Variants in GALNTL6 observed in about 807,000 individuals in gnomAD.
GALNTL6 encodes the protein polypeptide N-acetylgalactosaminyltransferase-like 6.
A neutral mutation model predicts 73.7 loss-of-function variants in GALNTL6; 46 were observed. The ratio of observed to expected loss-of-function variants is 0.62; its 90% CI spans 0.49 to 0.80. The LOEUF (loss-of-function observed/expected upper bound fraction) is 0.80. Among genes scored for constraint, GALNTL6 ranks in the 30% least tolerant of loss-of-function variants. The pLI, the probability that GALNTL6 is intolerant of heterozygous loss-of-function variation, is 0.00. For missense variants in GALNTL6, 604 were observed against 755.0 expected (o/e 0.80, Z 2.34); for synonymous variants, 259 against 263.7 (o/e 0.98, Z 0.17).
At chr4:172,023,197 C>T (rs1327950149) in intron 2 of GALNTL6, among the ~76,000 whole-genome samples, 5 of 151,780 alleles carry the variant, frequency 3.3e-5, no homozygotes, top group Non-Finnish European at 5.9e-5. Flanking sequence ...TAAATTTGGT[C>T]AACTGTCCTC....
At chr4:172,739,753 A>G in intron 5 of GALNTL6, among the ~76,000 whole-genome samples, 1 of 152,130 alleles carries the variant, frequency 6.6e-6, no homozygotes, top group Non-Finnish European at 1.5e-5. Context: ...ATTACATACT[A>G]AGAATTTTCT....
Position 172,710,377 on chromosome 4 carries a change from C to G in GALNTL6, c.554-98984C>G, listed in dbSNP as rs921243223. 2.0e-5 allele frequency among the ~76,000 whole-genome samples: 3 copies of G among 152,108 alleles called. No homozygotes were observed. In the East Asian group the frequency reaches 5.8e-4, roughly 29 times the overall value. ...TTCTATTTGTAATAATAAAAAGTTGCAATCATGAATGTACAAGAAAAGAGG... is the reference window on the plus strand; with the variant it reads ...TTCTATTTGTAATAATAAAAAGTTGGAATCATGAATGTACAAGAAAAGAGG... On this transcript the variant is annotated intron_variant, in intron 5 of 12. Transcript: ENST00000506823.
intron 5 of GALNTL6, among the ~76,000 whole-genome samples, chr4:172,572,579 C>T (rs1736802091): frequency 6.6e-6 from 1 of 152,160 alleles, no homozygotes; most frequent in East Asian, 1.9e-4. Context: ...AAACCTTTCA[C>T]ATGTGACTCT....
intron 2 of GALNTL6, among the ~76,000 whole-genome samples, chr4:172,188,487 A>C (rs1305742032): frequency 2.6e-5 from 4 of 152,192 alleles, no homozygotes; most frequent in African/African-American, 9.7e-5. Context: ...CAAAAGTGAC[A>C]CGGTGTCTGC....
At chr4:172,391,196 T>C (rs923889683) in intron 5 of GALNTL6, among the ~76,000 whole-genome samples, 1 of 152,210 alleles carries the variant, frequency 6.6e-6, no homozygotes, top group Non-Finnish European at 1.5e-5. Context: ...CTCACAGTTC[T>C]GCTCTCTGGT....
At chr4:172,705,112 C>G (rs1356574893) in intron 5 of GALNTL6, among the ~76,000 whole-genome samples, 1 of 151,518 alleles carries the variant, frequency 6.6e-6, no homozygotes, top group African/African-American at 2.4e-5. Flanking sequence ...TTAACTGGGT[C>G]TTGTACTTTT....
chr4:172,118,992 A>G (rs1733071337), intron 2 of GALNTL6, among the ~76,000 whole-genome samples: 1 of 151,656 alleles, frequency 6.6e-6, no homozygotes, highest in South Asian at 2.1e-4. Flanking sequence ...CAACTATCTC[A>G]TCAAATCTCG....
At chr4:172,826,642 G>T (rs146038235) in intron 7 of GALNTL6, among the ~76,000 whole-genome samples, 1 of 152,294 alleles carries the variant, frequency 6.6e-6, no homozygotes, top group East Asian at 1.9e-4. Flanking sequence ...CTGTGGGGAT[G>T]GGGGGAACGG....
intron 7 of GALNTL6, among the ~76,000 whole-genome samples, chr4:172,836,593 T>G (rs1742919796): frequency 6.6e-6 from 1 of 152,216 alleles, no homozygotes; most frequent in Admixed American, 6.5e-5. Context: ...ATGTAACTTC[T>G]ACATAAAATA....
intron 10 of GALNTL6, among the ~76,000 whole-genome samples, chr4:172,957,834 A>G (rs1440129440): frequency 6.6e-6 from 1 of 152,186 alleles, no homozygotes; most frequent in African/African-American, 2.4e-5. Flanking sequence ...AGTAGCCTCA[A>G]TGATAGATGT....
intron 2 of GALNTL6, among the ~76,000 whole-genome samples, chr4:172,005,005 T>C (rs1018439466): frequency 6.6e-6 from 1 of 152,174 alleles, no homozygotes. Flanking sequence ...AAGTTTTTCA[T>C]AAAATACTGT....
intron 5 of GALNTL6, among the ~76,000 whole-genome samples, chr4:172,450,471 C>A (rs1732170833): frequency 6.6e-6 from 1 of 152,206 alleles, no homozygotes; most frequent in African/African-American, 2.4e-5. Context: ...AACAGCATCA[C>A]AATTTAATTC....
chr4:172,222,057 A>G (rs1736694327), intron 2 of GALNTL6, among the ~76,000 whole-genome samples: 1 of 151,878 alleles, frequency 6.6e-6, no homozygotes, highest in African/African-American at 2.4e-5. Flanking sequence ...AAGCAATAAT[A>G]TAGGAGAAAA....
intron 4 of GALNTL6, among the ~76,000 whole-genome samples, chr4:172,316,288 G>A (rs1740539222): frequency 1.3e-5 from 2 of 152,050 alleles, no homozygotes; most frequent in Non-Finnish European, 2.9e-5. Flanking sequence ...CATTTTTTTG[G>A]CCGTTATAAA....
At chr4:172,350,176 TAGG>T (rs33911746) in intron 5 of GALNTL6, among the ~76,000 whole-genome samples, 19,181 of 152,050 alleles carry the variant, frequency 0.13, 1,339 homozygotes, top group East Asian at 0.32. Context: ...TGACTGGTAC[TAGG>T]AGAAATAGGC....
intron 5 of GALNTL6, among the ~76,000 whole-genome samples, chr4:172,570,420 T>G (rs1468609131): frequency 6.6e-6 from 1 of 152,138 alleles, no homozygotes; most frequent in Non-Finnish European, 1.5e-5. Context: ...TCAAAATGCA[T>G]ATGTTGAAGT....
At chr4:172,437,199 G>A (rs1731666089) in intron 5 of GALNTL6, among the ~76,000 whole-genome samples, 1 of 152,018 alleles carries the variant, frequency 6.6e-6, no homozygotes, top group South Asian at 2.1e-4. Flanking sequence ...ATTTGTCCCT[G>A]TTTGTCTCAC....
chr4:172,165,334 A>G (rs1450438757), intron 2 of GALNTL6, among the ~76,000 whole-genome samples: 1 of 152,138 alleles, frequency 6.6e-6, no homozygotes, highest in Admixed American at 6.5e-5. Flanking sequence ...AGAGAAGTAG[A>G]AAGTTAATTG....
chr4:172,485,162 A>G (rs1397261477), intron 5 of GALNTL6, among the ~76,000 whole-genome samples: 2 of 152,112 alleles, frequency 1.3e-5, no homozygotes, highest in Non-Finnish European at 2.9e-5. Context: ...AACAATGAGG[A>G]TAACTTTAGA....
Sources: gnomAD v4.1 joint callset for allele counts (sites outside exome capture counted in the v4.1 genomes callset) on GRCh38, gnomAD v4.1.1 for gene constraint, MANE v1.5 for transcripts, NCBI Gene and HGNC (gene_info 2026-07-23, HGNC 2026-07-21) for gene names.